The following LTBP2 variants were observed in gnomAD, a reference collection of about 807,000 sequenced individuals.
The protein encoded by LTBP2 is latent-transforming growth factor beta-binding protein 2.
Under a neutral mutation model 210.6 loss-of-function variants are expected in LTBP2, and 103 were observed. The ratio of observed to expected loss-of-function variants is 0.49; its 90% CI spans 0.42 to 0.58. LTBP2 has a LOEUF of 0.58. Among genes scored for constraint, LTBP2 ranks in the 20% least tolerant of loss-of-function variants. The pLI, the probability that LTBP2 is intolerant of heterozygous loss-of-function variation, is 0.00. For missense variants in LTBP2, 2,313 were observed against 2,494.5 expected (o/e 0.93, Z 1.55); for synonymous variants, 1,007 against 1,015.0 (o/e 0.99, Z 0.15).
intron 35 of LTBP2, 119 bp downstream of exon 35, chr14:74,501,322 C>T: frequency 6.8e-7 from 1 of 1,479,040 alleles, no homozygotes; most frequent in Non-Finnish European, 9.4e-7. Flanking sequence ...TTCTTCCCTT[C>T]CAGCCTGATG....
chr14:74,608,229 C>G (rs114566956), intron 1 of LTBP2, among the ~76,000 whole-genome samples: 1,634 of 152,194 alleles, frequency 0.011, 39 homozygotes, highest in African/African-American at 0.038. Context: ...CAAAACTAGA[C>G]TATGTTATAT....
intron 22 of LTBP2, 132 bp downstream of exon 22, chr14:74,509,106 T>A: frequency 1.3e-6 from 2 of 1,573,172 alleles, no homozygotes; most frequent in Non-Finnish European, 1.7e-6. Flanking sequence ...GGGACAAGCT[T>A]GTGAGCGACT....
intron 3 of LTBP2, among the ~76,000 whole-genome samples, chr14:74,570,067 C>T (rs1475006828): frequency 2.6e-5 from 4 of 152,158 alleles, no homozygotes; most frequent in Non-Finnish European, 5.9e-5. Context: ...AAGGCAGGGC[C>T]TAGGGACCTG....
intron 8 of LTBP2, among the ~76,000 whole-genome samples, chr14:74,545,096 G>A (rs2087561227): frequency 6.6e-6 from 1 of 152,176 alleles, no homozygotes; most frequent in African/African-American, 2.4e-5. Flanking sequence ...CCTCTTGGCT[G>A]CAGAATTCCA....
intron 3 of LTBP2, among the ~76,000 whole-genome samples, chr14:74,563,453 T>C (rs561698578): frequency 1.3e-5 from 2 of 152,346 alleles, no homozygotes; most frequent in East Asian, 1.9e-4. Flanking sequence ...AAGGATCTGC[T>C]GGCAGAATGG....
chr14:74,543,473 C>G (rs149056686), intron 8 of LTBP2, among the ~76,000 whole-genome samples: 1 of 151,324 alleles, frequency 6.6e-6, no homozygotes, highest in African/African-American at 2.4e-5. Context: ...TCAGACTGAA[C>G]CTCGCAGATG....
At chr14:74,519,993 A>T (rs1875285283) in intron 17 of LTBP2, among the ~76,000 whole-genome samples, 1 of 152,190 alleles carries the variant, frequency 6.6e-6, no homozygotes, top group South Asian at 2.1e-4. Flanking sequence ...CAGCTGACCC[A>T]GTCACCACTG....
chr14:74,503,758 C>A, intron 31 of LTBP2, 152 bp from the exon 32 acceptor site: 1 of 1,428,290 alleles, frequency 7.0e-7, no homozygotes. Context: ...CTCCTGGGGA[C>A]AATCTCTGAC....
rs756749187 is a variant in LTBP2, at chr14:74,529,012, G to A, written c.2098C>T (p.Arg700Cys). 1.4e-5 allele frequency: 23 copies of A among 1,603,112 alleles called. No individual in the cohort carries two copies. Among genetic ancestry groups the A allele is most frequent in the East Asian group, 4.5e-5 (2 of 44,508 alleles). The change falls in exon 11 of 36, where the codon CGC becomes TGC. Residue 700 changes from arginine to cysteine, a missense_variant. Transcript: ENST00000261978. ...RITKQICCCS[R>C]VGKAWGSECE... Reference sequence around the variant, plus strand: ...TCGCTGCCCCATGCTTTGCCCACGCGGCTGCAGCAGCATATCTGCTTGGTG... The same window carrying A: ...TCGCTGCCCCATGCTTTGCCCACGCAGCTGCAGCAGCATATCTGCTTGGTG...
At chr14:74,598,626 C>T (rs1207664462) in intron 2 of LTBP2, among the ~76,000 whole-genome samples, 3 of 152,306 alleles carry the variant, frequency 2.0e-5, no homozygotes, top group Non-Finnish European at 2.9e-5. Context: ...ACCTAAGTGA[C>T]GGTGTTTGTT....
In LTBP2 at chr14:74,540,243, C is replaced by T. The variant is rs75899176; in HGVS notation, c.1790-4243G>A. ...ATCCCAGCACTTTTGGAGGCTGAGG[C>T]GAGTGAATCACCTGAGCTCTGGAAC... is the stretch of plus-strand genomic sequence containing the variant. On this transcript the variant is annotated intron_variant, in intron 8 of 35. Transcript: ENST00000261978. Among the ~76,000 whole-genome samples, 1,873 of 152,092 alleles carry T rather than the reference C, an allele frequency of 0.012. 71 individuals are homozygous for T. The East Asian group carries it at 0.15, about 12-fold the overall frequency.
chr14:74,551,473 CTCCT>C, intron 6 of LTBP2, 123 bp from the exon 7 acceptor site: 1 of 955,628 alleles, frequency 1.0e-6, no homozygotes, highest in Non-Finnish European at 1.5e-6. Context: ...CCCCAAAACT[CTCCT>C]TCCATTTCTT....
chr14:74,499,897 A>G lies in LTBP2; in HGVS notation c.*987T>C, dbSNP rs1173060255. Reference sequence around the variant, plus strand: ...GGGCAGGGGTTTCTGAGTGGAGGGGAAAAACAACATTGGAAATCTGGCTGC... The same window carrying G: ...GGGCAGGGGTTTCTGAGTGGAGGGGGAAAACAACATTGGAAATCTGGCTGC... On this transcript the variant is annotated 3_prime_UTR_variant, in exon 36 of 36. Coordinates refer to ENST00000261978, the MANE Select transcript of LTBP2 (RefSeq NM_000428.3). The G allele has an allele frequency of 4.3e-6, 1 of 230,760 alleles. No individual in the cohort carries two copies. The highest frequency in any genetic ancestry group is 2.2e-5 in the African/African-American group (1 of 45,184). 14.3% of individuals were successfully genotyped at this position (230,760 alleles called of 1,614,324 possible). A position where few individuals can be genotyped will look rare whatever the true frequency, so the allele number is the denominator to read the frequency against.
intron 9 of LTBP2, among the ~76,000 whole-genome samples, chr14:74,533,596 A>G (rs2087379227): frequency 6.6e-6 from 1 of 152,224 alleles, no homozygotes; most frequent in African/African-American, 2.4e-5. Flanking sequence ...AGCAGGGGTC[A>G]CAGTTAAGAG....
intron 3 of LTBP2, among the ~76,000 whole-genome samples, chr14:74,561,026 T>A (rs554903577): frequency 2.0e-5 from 3 of 152,138 alleles, no homozygotes; most frequent in African/African-American, 7.2e-5. Flanking sequence ...TAAAAAAAAT[T>A]TAAGAGTGTT....
chr14:74,559,375 C>T (rs1446496819), intron 3 of LTBP2, among the ~76,000 whole-genome samples: 1 of 152,128 alleles, frequency 6.6e-6, no homozygotes, highest in Non-Finnish European at 1.5e-5. Context: ...ATAAAAAAGC[C>T]CTGCATTCTG....
intron 2 of LTBP2, among the ~76,000 whole-genome samples, chr14:74,592,606 G>T (rs1489302625): frequency 6.6e-6 from 1 of 152,112 alleles, no homozygotes; most frequent in Non-Finnish European, 1.5e-5. Context: ...GCTGAGGTGG[G>T]AGGGATCACT....
At chr14:74,563,205 C>A (rs536157242) in intron 3 of LTBP2, among the ~76,000 whole-genome samples, 1 of 152,322 alleles carries the variant, frequency 6.6e-6, no homozygotes, top group South Asian at 2.1e-4. Context: ...GGGACCACAT[C>A]TTTACTTGGC....
At chr14:74,537,782 T>C (rs2087441066) in intron 8 of LTBP2, among the ~76,000 whole-genome samples, 1 of 152,116 alleles carries the variant, frequency 6.6e-6, no homozygotes, top group Admixed American at 6.6e-5. Flanking sequence ...TGAGATGGAG[T>C]CTTGCTCTGT....
Sources: gnomAD v4.1 joint callset for allele counts (sites outside exome capture counted in the v4.1 genomes callset) on GRCh38, gnomAD v4.1.1 for gene constraint, MANE v1.5 for transcripts, NCBI Gene and HGNC (gene_info 2026-07-23, HGNC 2026-07-21) for gene names.